The following PCNX1 variants were observed in gnomAD, a reference collection of about 807,000 sequenced individuals.
The protein encoded by PCNX1 is pecanex-like protein 1.
Under a neutral mutation model 242.2 loss-of-function variants are expected in PCNX1, and 78 were observed. The observed-to-expected ratio is 0.32, with a 90% CI of 0.27 to 0.39. PCNX1 has a LOEUF of 0.39. Ranked by LOEUF, PCNX1 falls within the 10% of genes least tolerant of loss-of-function variation. The probability of loss-of-function intolerance (pLI) is 1.00; values close to 1 mark genes in which losing one functional copy is unlikely to be tolerated. For synonymous variants in PCNX1, 1,024 were observed against 1,032.9 expected (o/e 0.99, Z 0.17); for missense variants, 2,581 against 2,856.5 (o/e 0.90, Z 2.20).
At chr14:70,932,536 G>A (rs2140170315) in intron 1 of PCNX1, among the ~76,000 whole-genome samples, 1 of 151,968 alleles carries the variant, frequency 6.6e-6, no homozygotes, top group East Asian at 1.9e-4. Context: ...TCCCTAGTCA[G>A]TTACCTTTTA....
intron 1 of PCNX1, among the ~76,000 whole-genome samples, chr14:70,938,725 T>A (rs1042867710): frequency 6.6e-6 from 1 of 152,216 alleles, no homozygotes; most frequent in African/African-American, 2.4e-5. Flanking sequence ...TCCTTATACC[T>A]CTGGTAGAAT....
intron 26 of PCNX1, among the ~76,000 whole-genome samples, chr14:71,071,832 T>C (rs1288372791): frequency 6.6e-6 from 1 of 152,218 alleles, no homozygotes; most frequent in Non-Finnish European, 1.5e-5. Context: ...TGCAACTGTT[T>C]CTTTACTTAA....
At chr14:70,996,630 C>G (rs1237301381) in intron 8 of PCNX1, among the ~76,000 whole-genome samples, 1 of 152,032 alleles carries the variant, frequency 6.6e-6, no homozygotes, top group African/African-American at 2.4e-5. Context: ...TTCTGTGTCT[C>G]TGTATAATCT....
chr14:71,072,858 C>T (rs1448444885), intron 26 of PCNX1, among the ~76,000 whole-genome samples: 4 of 152,110 alleles, frequency 2.6e-5, no homozygotes, highest in Non-Finnish European at 5.9e-5. Flanking sequence ...AATAACATTC[C>T]ACTGGTTTTT....
At chr14:70,920,208 T>G (rs2056324464) in intron 1 of PCNX1, among the ~76,000 whole-genome samples, 1 of 152,220 alleles carries the variant, frequency 6.6e-6, no homozygotes, top group African/African-American at 2.4e-5. Context: ...CAGTGTCCTC[T>G]AATACTAAAA....
intron 5 of PCNX1, among the ~76,000 whole-genome samples, chr14:70,970,530 C>T (rs1322421243): frequency 1.3e-5 from 2 of 152,052 alleles, no homozygotes; most frequent in African/African-American, 4.8e-5. Flanking sequence ...TATTTTATAT[C>T]TGGAAAGTAC....
At chr14:71,007,500 A>G (rs2059700270) in intron 8 of PCNX1, among the ~76,000 whole-genome samples, 2 of 152,192 alleles carry the variant, frequency 1.3e-5, no homozygotes, top group African/African-American at 4.8e-5. Flanking sequence ...TAAAATATGT[A>G]TAAATTATGT....
rs758402768 is a variant in PCNX1, at chr14:71,013,152, G to A, written c.2946G>A (p.Leu982=). 3 of 1,614,024 alleles carry A rather than the reference G, an allele frequency of 1.9e-6. No homozygotes were observed. Among genetic ancestry groups the A allele is most frequent in the African/African-American group, 2.7e-5 (2 of 74,924 alleles). The part of the protein sequence containing the change: ...HYYRFWILPQ[L]WIGINFDRLT... ...ATCGCTTTTGGATCCTACCCCAGCT[G>A]TGGATTGGCATTAACTTTGACAGAC... Residue 982 remains leucine (L), a synonymous_variant, in exon 11 of 36, where the codon CTG becomes CTA. Coordinates refer to ENST00000304743, the MANE Select transcript of PCNX1 (RefSeq NM_014982.3).
rs1595150846 is a variant in PCNX1 at position 70,988,507 on chromosome 14, C to T, written c.2312-60C>T. The T allele has an allele frequency of 6.4e-6, 10 of 1,572,284 alleles. No individual in the cohort carries two copies. The South Asian group carries it at 9.0e-5, about 14-fold the overall frequency. ...TGGGAAGTCAAGGGAAAGCCAGGCTCAGCTGCTATTTACATCTCTGACCTA... is the reference window on the plus strand; with the variant it reads ...TGGGAAGTCAAGGGAAAGCCAGGCTTAGCTGCTATTTACATCTCTGACCTA... On this transcript the variant is annotated intron_variant, in intron 6 of 35. Transcript: ENST00000304743.
chr14:71,074,856 A>C (rs1406659747), intron 27 of PCNX1, among the ~76,000 whole-genome samples: 1 of 152,164 alleles, frequency 6.6e-6, no homozygotes, highest in East Asian at 1.9e-4. Context: ...TATTTTTGCT[A>C]AAGAGTTTAC....
intron 30 of PCNX1, among the ~76,000 whole-genome samples, chr14:71,101,672 GA>G (rs202194844): frequency 6.8e-6 from 1 of 147,544 alleles, no homozygotes. Flanking sequence ...TCCTTCAACA[GA>G]AAAAAAAACA....
intron 1 of PCNX1, among the ~76,000 whole-genome samples, chr14:70,941,977 G>A (rs907921800): frequency 2.0e-5 from 3 of 152,166 alleles, no homozygotes; most frequent in African/African-American, 7.2e-5. Flanking sequence ...AAGACCATTG[G>A]AAAAGCACAG....
intron 32 of PCNX1, among the ~76,000 whole-genome samples, chr14:71,104,130 T>C (rs530274237): frequency 3.3e-5 from 5 of 152,344 alleles, no homozygotes; most frequent in African/African-American, 1.2e-4. Flanking sequence ...TTTTTAACAA[T>C]ACATTCTCAC....
In PCNX1 at chr14:71,050,655, T is replaced by C; in HGVS notation, c.4342T>C (p.Trp1448Arg). ...FFMSILFNKL[W>R]ELLYKLQFVY... ...AGCCATTCTTTTCCTCCTGCAGCTT[T>C]GGGAACTACTTTATAAATTGCAGTT... The change falls in exon 23 of 36, where the codon TGG becomes CGG. Residue 1448 changes from tryptophan (W) to arginine (R), a missense_variant. By Grantham distance (101) the Trp-to-Arg change is moderately radical. Transcript: ENST00000304743. The C allele has an allele frequency of 1.3e-6, 2 of 1,591,322 alleles. No individual in the cohort carries two copies. Among genetic ancestry groups the C allele is most frequent in the Non-Finnish European group, 1.7e-6 (2 of 1,170,732 alleles).
At chr14:71,015,769 A>C (rs897194077) in intron 11 of PCNX1, among the ~76,000 whole-genome samples, 3 of 152,256 alleles carry the variant, frequency 2.0e-5, no homozygotes, top group African/African-American at 7.2e-5. Flanking sequence ...GTGGAAAAAG[A>C]TCAAAGAATA....
At chr14:70,996,465 G>C (rs554642465) in intron 8 of PCNX1, among the ~76,000 whole-genome samples, 12 of 152,160 alleles carry the variant, frequency 7.9e-5, no homozygotes, top group Non-Finnish European at 1.5e-4. Context: ...ACTTTATAAA[G>C]TTTATTTCTT....
intron 6 of PCNX1, among the ~76,000 whole-genome samples, chr14:70,981,882 C>T (rs1017037385): frequency 5.3e-5 from 8 of 152,016 alleles, no homozygotes; most frequent in South Asian, 2.1e-4. Flanking sequence ...AAGAATAGCC[C>T]GAGTGGAGAG....
Position 70,935,571 on chromosome 14 carries a change from T to TA in PCNX1, c.154-11343dup, listed in dbSNP as rs2056969339. 1.1e-4 allele frequency among the ~76,000 whole-genome samples: 17 copies of TA among 152,356 alleles called. 1 individual carries two copies. The East Asian group carries it at 3.3e-3, about 29-fold the overall frequency. On this transcript the variant is annotated intron_variant, in intron 1 of 35. Coordinates refer to ENST00000304743, the MANE Select transcript of PCNX1 (RefSeq NM_014982.3). ...ATCCTGTAGACCATTCAGTGTTAAG[T>TA]ACTCTGTTTTATCTTTTCCTATTTG... is the stretch of plus-strand genomic sequence containing the variant.
chr14:70,919,966 G>A (rs1277618465), intron 1 of PCNX1, among the ~76,000 whole-genome samples: 1 of 151,910 alleles, frequency 6.6e-6, no homozygotes, highest in Non-Finnish European at 1.5e-5. Context: ...AACCCTGAGC[G>A]CCAACTGCCC....
Sources: gnomAD v4.1 joint callset for allele counts (sites outside exome capture counted in the v4.1 genomes callset) on GRCh38, gnomAD v4.1.1 for gene constraint, MANE v1.5 for transcripts, NCBI Gene and HGNC (gene_info 2026-07-23, HGNC 2026-07-21) for gene names.